Variants in HEATR5B observed in about 807,000 individuals in gnomAD.
HEATR5B encodes HEAT repeat containing 5B.
A neutral mutation model predicts 224.1 loss-of-function variants in HEATR5B; 156 were observed. The observed-to-expected ratio is 0.70, with a 90% CI of 0.61 to 0.80. HEATR5B has a LOEUF of 0.80. Ranked by LOEUF, HEATR5B falls within the 30% of genes least tolerant of loss-of-function variation. HEATR5B has a pLI of 0.00. For missense variants in HEATR5B, 2,323 were observed against 2,535.5 expected (o/e 0.92, Z 1.80); for synonymous variants, 1,027 against 893.0 (o/e 1.15, Z -2.68).
chr2:36,995,298 C>A (rs2148350580), intron 33 of HEATR5B, among the ~76,000 whole-genome samples: 1 of 152,084 alleles, frequency 6.6e-6, no homozygotes, highest in Non-Finnish European at 1.5e-5. Context: ...ACCATATTGG[C>A]CAGCCTGGTC....
rs1671834241 is a variant in HEATR5B at position 37,070,364 on chromosome 2, C to T, written c.793G>A (p.Ala265Thr). 1 of 1,613,946 alleles carries T rather than the reference C, an allele frequency of 6.2e-7. No homozygotes were observed. The highest frequency in any genetic ancestry group is 2.2e-5 in the East Asian group (1 of 44,882). Reference sequence around the variant, plus strand: ...AGTTCTAAGACTTCATCAAATGTTGCTCGCTTCACATTCTGACGCATTACT... The same window carrying T: ...AGTTCTAAGACTTCATCAAATGTTGTTCGCTTCACATTCTGACGCATTACT... Reference protein sequence around the residue: ...ATVMRQNVKRATFDEVLELMA... With the variant: ...ATVMRQNVKRTTFDEVLELMA... The change falls in exon 7 of 36, where the codon GCA (alanine) becomes ACA (threonine). Residue 265 changes from alanine to threonine, a missense_variant. By Grantham distance (58) the Ala-to-Thr change is moderately conservative. Around this residue, in one of 12 missense-constraint regions of HEATR5B, gnomAD observed 292 missense variants for 332.6 expected, o/e 0.88. Transcript: ENST00000233099.
chr2:37,064,613 A>T (rs1671476800), intron 10 of HEATR5B, 127 bp downstream of exon 10: 1 of 866,024 alleles, frequency 1.2e-6, no homozygotes, highest in South Asian at 1.6e-5. Flanking sequence ...TAGTAAGAAC[A>T]CTATGTTTTA....
At chr2:36,989,774 C>T (rs1032341713) in intron 34 of HEATR5B, among the ~76,000 whole-genome samples, 1 of 151,840 alleles carries the variant, frequency 6.6e-6, no homozygotes, top group African/African-American at 2.4e-5. Context: ...TTTGGTAGAA[C>T]ACAAGTGGCT....
At chr2:37,079,678 T>C (rs1672436435) in intron 2 of HEATR5B, among the ~76,000 whole-genome samples, 1 of 152,136 alleles carries the variant, frequency 6.6e-6, no homozygotes, top group Non-Finnish European at 1.5e-5. Context: ...ACAACCCAGA[T>C]AGGTTTCCTA....
chr2:37,079,234 T>C lies in HEATR5B; in HGVS notation c.224A>G (p.Asn75Ser), dbSNP rs775565473. ...CCCAATGCTATAAAGGGCTGCGAGA[T>C]TTTTAGCTAATAATTTTCGTGTAGG... ...GPPTRKLLAKNLAALYSIGDT... is the reference protein window; with the variant it reads ...GPPTRKLLAKSLAALYSIGDT... Residue 75 changes from asparagine to serine, a missense_variant, in exon 3 of 36, where the codon AAT (asparagine) becomes AGT (serine). Transcript: ENST00000233099. 91 of 1,609,560 alleles carry C rather than the reference T, an allele frequency of 5.7e-5. No individual in the cohort carries two copies. The highest frequency in any genetic ancestry group is 7.5e-5 in the Non-Finnish European group (88 of 1,176,066).
At chr2:37,055,765 A>G (rs1429702046) in intron 16 of HEATR5B, among the ~76,000 whole-genome samples, 1 of 152,178 alleles carries the variant, frequency 6.6e-6, no homozygotes, top group Non-Finnish European at 1.5e-5. Context: ...CACCAGACCC[A>G]ACAATACTTT....
chr2:37,071,827 G>A (rs1237383501), intron 6 of HEATR5B, among the ~76,000 whole-genome samples: 3 of 152,036 alleles, frequency 2.0e-5, no homozygotes, highest in African/African-American at 4.8e-5. Flanking sequence ...TGGGATGACA[G>A]GTGCATGACA....
rs541110155 is a variant in HEATR5B at position 37,068,995 on chromosome 2, G to C, written c.928-65C>G. Reference sequence around the variant, plus strand: ...TAACTGAACAGAAATCAAAGATAAAGCAACTACTAAAATAACTGATAACAG... The same window carrying C: ...TAACTGAACAGAAATCAAAGATAAACCAACTACTAAAATAACTGATAACAG... On this transcript the variant is annotated intron_variant, in intron 7 of 35. Coordinates refer to ENST00000233099, the MANE Select transcript of HEATR5B (RefSeq NM_019024.3). 6 of 1,474,890 alleles carry C rather than the reference G, an allele frequency of 4.1e-6. 1 individual carries two copies. Among genetic ancestry groups the C allele is most frequent in the Non-Finnish European group, 5.5e-6 (6 of 1,085,732 alleles). 91.4% of individuals were successfully genotyped at this position (1,474,890 alleles called of 1,614,324 possible).
intron 13 of HEATR5B, 81 bp from the exon 14 acceptor site, chr2:37,058,641 A>G (rs1671061993): frequency 2.2e-6 from 2 of 902,666 alleles, no homozygotes; most frequent in Admixed American, 3.9e-5. Flanking sequence ...GTATCAATGT[A>G]CTGCCAAACT....
intron 7 of HEATR5B, 38 bp downstream of exon 7, chr2:37,070,192 G>A (rs773030520): frequency 1.2e-6 from 2 of 1,607,884 alleles, no homozygotes; most frequent in Non-Finnish European, 8.5e-7. Context: ...GAGCCACCGT[G>A]CCTGGCCAAA....
chr2:36,993,911 G>A (rs1425376777), intron 33 of HEATR5B, among the ~76,000 whole-genome samples: 2 of 152,118 alleles, frequency 1.3e-5, no homozygotes, highest in Middle Eastern at 3.4e-3. Flanking sequence ...TTAATGTTAT[G>A]AAAGACAAAG....
intron 33 of HEATR5B, among the ~76,000 whole-genome samples, chr2:36,995,509 A>C (rs1054242683): frequency 5.3e-5 from 8 of 152,196 alleles, no homozygotes; most frequent in African/African-American, 1.9e-4. Context: ...AATTTTAATC[A>C]CATTAATAAA....
chr2:37,005,022 A>C (rs1667324109), intron 30 of HEATR5B, among the ~76,000 whole-genome samples: 1 of 152,226 alleles, frequency 6.6e-6, no homozygotes, highest in African/African-American at 2.4e-5. Flanking sequence ...AAACATTTTT[A>C]ATGATTCCCT....
chr2:37,022,606 T>C (rs1434397658), intron 24 of HEATR5B, among the ~76,000 whole-genome samples: 1 of 152,186 alleles, frequency 6.6e-6, no homozygotes, highest in African/African-American at 2.4e-5. Flanking sequence ...AGGCTGTAGG[T>C]TGGATTTGGA....
chr2:36,997,213 C>T (rs929925027), intron 33 of HEATR5B, among the ~76,000 whole-genome samples: 1 of 152,000 alleles, frequency 6.6e-6, no homozygotes, highest in Non-Finnish European at 1.5e-5. Context: ...GAGATAGGGT[C>T]TCACTCTCTC....
intron 32 of HEATR5B, among the ~76,000 whole-genome samples, chr2:37,001,381 T>C (rs1224907537): frequency 2.0e-5 from 3 of 152,238 alleles, no homozygotes; most frequent in Admixed American, 6.5e-5. Flanking sequence ...CCTGCAGCCA[T>C]TGTAGCCTCT....
intron 24 of HEATR5B, among the ~76,000 whole-genome samples, chr2:37,021,333 C>T (rs569488504): frequency 6.6e-6 from 1 of 152,298 alleles, no homozygotes; most frequent in South Asian, 2.1e-4. Flanking sequence ...CAGGTTCCCA[C>T]AATGATAGAA....
intron 22 of HEATR5B, among the ~76,000 whole-genome samples, chr2:37,032,404 T>G (rs1019088140): frequency 1.3e-5 from 2 of 152,116 alleles, no homozygotes; most frequent in African/African-American, 2.4e-5. Context: ...TAGCTAGGAC[T>G]ACAGGTACAC....
intron 21 of HEATR5B, among the ~76,000 whole-genome samples, chr2:37,035,868 GAATT>G (rs1174217241): frequency 2.0e-5 from 3 of 152,066 alleles, no homozygotes; most frequent in Admixed American, 1.3e-4. Context: ...GTCTAAAACT[GAATT>G]AATGATATCC....
Sources: allele counts gnomAD v4.1 joint callset (sites outside exome capture counted in the v4.1 genomes callset), GRCh38; gene constraint gnomAD v4.1.1; regional missense constraint gnomAD v4.1.1; transcripts MANE v1.5; gene names NCBI Gene and HGNC (gene_info 2026-07-23, HGNC 2026-07-21).